Variants in TMEM132D observed in about 807,000 individuals in gnomAD.
TMEM132D encodes the protein transmembrane protein 132D.
In TMEM132D, 21 loss-of-function variants were observed where a neutral mutation model predicts 62.3. The ratio of observed to expected loss-of-function variants is 0.34; its 90% confidence interval spans 0.24 to 0.49. TMEM132D has a LOEUF of 0.49. Among genes scored for constraint, TMEM132D ranks in the 20% least tolerant of loss-of-function variants. The probability of loss-of-function intolerance (pLI) is 0.99; values close to 1 mark genes in which losing one functional copy is unlikely to be tolerated. For synonymous variants in TMEM132D, 621 were observed against 575.6 expected (o/e 1.08, Z -1.13); for missense variants, 1,346 against 1,402.8 (o/e 0.96, Z 0.65).
intron 3 of TMEM132D, among the ~76,000 whole-genome samples, chr12:129,495,628 T>C (rs1375621712): frequency 6.6e-6 from 1 of 152,124 alleles, no homozygotes; most frequent in African/African-American, 2.4e-5. Flanking sequence ...CGTCCCTTTC[T>C]CCCTGAGCTG....
At chr12:129,598,663 T>C (rs1479904095) in intron 2 of TMEM132D, among the ~76,000 whole-genome samples, 3 of 152,168 alleles carry the variant, frequency 2.0e-5, no homozygotes, top group African/African-American at 7.2e-5. Flanking sequence ...CAATAAATAC[T>C]ATCAAGAAAA....
chr12:129,099,575 CCCA>C (rs1317820986), intron 5 of TMEM132D, among the ~76,000 whole-genome samples: 1 of 152,212 alleles, frequency 6.6e-6, no homozygotes, highest in East Asian at 1.9e-4. Context: ...GACCCTTCAG[CCCA>C]CCAACAGCAA....
chr12:129,820,063 T>G (rs1872501722), intron 1 of TMEM132D, among the ~76,000 whole-genome samples: 2 of 152,144 alleles, frequency 1.3e-5, no homozygotes, highest in Non-Finnish European at 2.9e-5. Context: ...TCCTCTCACC[T>G]GGCACTCTTT....
At chr12:129,164,773 T>C (rs1877491819) in intron 5 of TMEM132D, among the ~76,000 whole-genome samples, 1 of 152,198 alleles carries the variant, frequency 6.6e-6, no homozygotes, top group Admixed American at 6.5e-5. Flanking sequence ...GCCCCCATAA[T>C]TCAATTACCT....
chr12:129,360,941 CCAAG>C (rs1870229254), intron 3 of TMEM132D, among the ~76,000 whole-genome samples: 1 of 152,142 alleles, frequency 6.6e-6, no homozygotes, highest in Non-Finnish European at 1.5e-5. Context: ...AAAGGTGTGG[CCAAG>C]CAAGCAGTCA....
chr12:129,326,240 T>C (rs954829530), intron 4 of TMEM132D, among the ~76,000 whole-genome samples: 4 of 152,204 alleles, frequency 2.6e-5, no homozygotes, highest in African/African-American at 9.7e-5. Flanking sequence ...TTTTTTATTT[T>C]TAGGGAACCC....
intron 2 of TMEM132D, among the ~76,000 whole-genome samples, chr12:129,580,174 G>A (rs1022193847): frequency 3.9e-5 from 6 of 152,142 alleles, no homozygotes; most frequent in African/African-American, 1.4e-4. Flanking sequence ...GTCCCAGGAA[G>A]CACTTACTCC....
chr12:129,672,074 G>A (rs534396053), intron 2 of TMEM132D, among the ~76,000 whole-genome samples: 6 of 152,318 alleles, frequency 3.9e-5, no homozygotes, highest in South Asian at 4.1e-4. Context: ...AGTGGTCAAG[G>A]GTGAAGACAG....
intron 1 of TMEM132D, among the ~76,000 whole-genome samples, chr12:129,874,439 A>G (rs1471131139): frequency 6.6e-6 from 1 of 152,002 alleles, no homozygotes; most frequent in African/African-American, 2.4e-5. Flanking sequence ...ACATAAATAA[A>G]TTATTTTAAA....
chr12:129,329,232 G>T (rs1436227545), intron 4 of TMEM132D, among the ~76,000 whole-genome samples: 1 of 151,960 alleles, frequency 6.6e-6, no homozygotes, highest in Non-Finnish European at 1.5e-5. Context: ...TACTGTGAAT[G>T]CTGTTTAGGG....
At chr12:129,186,259 G>A (rs1878219809) in intron 5 of TMEM132D, among the ~76,000 whole-genome samples, 1 of 152,162 alleles carries the variant, frequency 6.6e-6, no homozygotes, top group Admixed American at 6.5e-5. Flanking sequence ...CTGCTCATCT[G>A]GAGTCCTGTG....
At chr12:129,738,228 A>G (rs1432487708) in intron 1 of TMEM132D, among the ~76,000 whole-genome samples, 1 of 152,228 alleles carries the variant, frequency 6.6e-6, no homozygotes, top group Non-Finnish European at 1.5e-5. Flanking sequence ...TCCTTGCTGC[A>G]TAATGAATGG....
chr12:129,730,400 G>T (rs567275355), intron 1 of TMEM132D, among the ~76,000 whole-genome samples: 48 of 152,114 alleles, frequency 3.2e-4, no homozygotes, highest in Non-Finnish European at 6.8e-4. Context: ...TGCTCCCTGA[G>T]GGTGGATGCT....
At chr12:129,368,044 C>T (rs1255459608) in intron 3 of TMEM132D, among the ~76,000 whole-genome samples, 1 of 152,178 alleles carries the variant, frequency 6.6e-6, no homozygotes, top group African/African-American at 2.4e-5. Context: ...TCACCCACCT[C>T]AGCCTCTCAA....
intron 3 of TMEM132D, among the ~76,000 whole-genome samples, chr12:129,414,022 C>T (rs1431146775): frequency 6.6e-6 from 1 of 152,226 alleles, no homozygotes; most frequent in Non-Finnish European, 1.5e-5. Context: ...GTGGTGCTTT[C>T]TTATGCAGAA....
chr12:129,082,301 C>A (rs1565957470), intron 6 of TMEM132D, among the ~76,000 whole-genome samples: 1 of 152,128 alleles, frequency 6.6e-6, no homozygotes, highest in Non-Finnish European at 1.5e-5. Context: ...TTGTGTAAAC[C>A]TCTCCCTTTG....
At chr12:129,340,456 C>A (rs1330204519) in intron 3 of TMEM132D, among the ~76,000 whole-genome samples, 1 of 151,890 alleles carries the variant, frequency 6.6e-6, no homozygotes, top group Non-Finnish European at 1.5e-5. Flanking sequence ...ATCCTTCCCC[C>A]TTCCCCCCAC....
At chr12:129,497,230 C>G (rs764924241) in intron 3 of TMEM132D, among the ~76,000 whole-genome samples, 1 of 152,130 alleles carries the variant, frequency 6.6e-6, no homozygotes, top group Non-Finnish European at 1.5e-5. Context: ...ATCACTTGAA[C>G]CTGGGAGGCG....
At chr12:129,434,570 GCAGAGGAGGCTCC>G (rs1261359501) in intron 3 of TMEM132D, among the ~76,000 whole-genome samples, 1 of 152,126 alleles carries the variant, frequency 6.6e-6, no homozygotes, top group Non-Finnish European at 1.5e-5. Flanking sequence ...ACCCAGGGCT[GCAGAGGAGGCTCC>G]CAGAGGAGGT....
Sources: allele counts gnomAD v4.1 joint callset (sites outside exome capture counted in the v4.1 genomes callset), GRCh38; gene constraint gnomAD v4.1.1; transcripts MANE v1.5; gene names NCBI Gene and HGNC (gene_info 2026-07-23, HGNC 2026-07-21).